Variants in CCDC33 observed in about 807,000 individuals in gnomAD.
CCDC33 encodes coiled-coil domain containing 33.
In CCDC33, 94 loss-of-function variants were observed where a neutral mutation model predicts 91.9. The ratio of observed to expected loss-of-function variants is 1.02; its 90% CI spans 0.87 to 1.21. The LOEUF (loss-of-function observed/expected upper bound fraction) is 1.21, where lower values mean the gene tolerates loss of function less well. CCDC33 is among the 50% of genes most tolerant of loss of function. The probability of loss-of-function intolerance (pLI) is 0.00; values close to 1 mark genes in which losing one functional copy is unlikely to be tolerated. For synonymous variants in CCDC33, 396 were observed against 374.5 expected (o/e 1.06, Z -0.66); for missense variants, 940 against 935.5 (o/e 1.00, Z -0.06).
intron 11 of CCDC33, among the ~76,000 whole-genome samples, chr15:74,312,961 C>T (rs1170367724): frequency 6.6e-6 from 1 of 152,234 alleles, no homozygotes; most frequent in Non-Finnish European, 1.5e-5. Context: ...CCAAACCAAA[C>T]AATGCCCTGG....
At chr15:74,283,844 C>T (rs2142515473) in intron 10 of CCDC33, among the ~76,000 whole-genome samples, 1 of 152,024 alleles carries the variant, frequency 6.6e-6, no homozygotes, top group African/African-American at 2.4e-5. Flanking sequence ...CACTCTCAAT[C>T]ACGTGTGAAT....
chr15:74,331,093 C>T lies in CCDC33; in HGVS notation c.1658C>T (p.Thr553Ile), dbSNP rs201751899. The T allele has an allele frequency of 1.2e-6, 2 of 1,613,300 alleles. No homozygotes were observed. The highest frequency in any genetic ancestry group is 2.2e-5 in the East Asian group (1 of 44,870). ...CAGAAGATGAAGGCGCTGGAGGAGA[C>T]TGTGCGGCACCAAGAGAAGGCAGGT... ...KLQKMKALEE[T>I]VRHQEKVIEK... The change falls in exon 14 of 19, where the codon ACT becomes ATT. Residue 553 changes from threonine to isoleucine, a missense_variant. Transcript: ENST00000398814.
At chr15:74,280,181 C>T in intron 8 of CCDC33, 89 bp downstream of exon 8, 1 of 1,487,922 alleles carries the variant, frequency 6.7e-7, no homozygotes, top group South Asian at 1.2e-5. Context: ...ACCTCTGCCT[C>T]CCACAGGGAT....
intron 11 of CCDC33, among the ~76,000 whole-genome samples, chr15:74,326,831 C>A (rs183424501): frequency 6.6e-6 from 1 of 152,180 alleles, no homozygotes; most frequent in Admixed American, 6.5e-5. Flanking sequence ...GGGGAGTCAG[C>A]AGGACCACAA....
chr15:74,254,267 A>G (rs556121853), intron 2 of CCDC33, among the ~76,000 whole-genome samples: 1 of 152,036 alleles, frequency 6.6e-6, no homozygotes, highest in Non-Finnish European at 1.5e-5. Flanking sequence ...TCCTGACTTC[A>G]TGATCTGCCC....
intron 9 of CCDC33, among the ~76,000 whole-genome samples, 161 bp from the exon 10 acceptor site, chr15:74,281,617 G>GTT (rs1465016548): frequency 1.3e-5 from 2 of 152,222 alleles, no homozygotes; most frequent in Admixed American, 1.3e-4. Context: ...TGTGGAGGCA[G>GTT]TTTGCGAGGG....
intron 10 of CCDC33, among the ~76,000 whole-genome samples, chr15:74,289,271 C>G (rs114683290): frequency 6.6e-6 from 1 of 152,240 alleles, no homozygotes; most frequent in Non-Finnish European, 1.5e-5. Context: ...TCTCCAGAAG[C>G]CAGACTTGCT....
At chr15:74,260,985 T>G (rs758855470) in intron 2 of CCDC33, among the ~76,000 whole-genome samples, 1 of 152,218 alleles carries the variant, frequency 6.6e-6, no homozygotes, top group African/African-American at 2.4e-5. Context: ...TGGGCACCGT[T>G]AGCATCTCTG....
intron 3 of CCDC33, among the ~76,000 whole-genome samples, chr15:74,265,394 C>G (rs1207544684): frequency 6.6e-6 from 1 of 152,198 alleles, no homozygotes; most frequent in Non-Finnish European, 1.5e-5. Flanking sequence ...CCTCCTCTAT[C>G]CTTCTCCTCC....
intron 2 of CCDC33, among the ~76,000 whole-genome samples, chr15:74,260,401 A>C (rs12916871): frequency 0.27 from 41,589 of 152,098 alleles, 7,751 homozygotes; most frequent in Non-Finnish European, 0.42. Context: ...GCTCTCTGGG[A>C]GATGCCCCTT....
chr15:74,209,683 T>G (rs1168569219), intron 2 of CCDC33: 1 of 529,998 alleles, frequency 1.9e-6, no homozygotes, highest in Non-Finnish European at 3.3e-6. Flanking sequence ...GACAGTCGGC[T>G]GCATCCCCCC....
At chr15:74,287,194 A>G (rs1352020495) in intron 10 of CCDC33, among the ~76,000 whole-genome samples, 1 of 152,218 alleles carries the variant, frequency 6.6e-6, no homozygotes, top group Non-Finnish European at 1.5e-5. Flanking sequence ...TGAATGGGCC[A>G]GTGCCCAGGG....
chr15:74,330,453 T>C (rs2142875098), intron 12 of CCDC33, 99 bp downstream of exon 12: 1 of 1,356,966 alleles, frequency 7.4e-7, no homozygotes. Context: ...CAGATGTGCA[T>C]GCTGCTGGAC....
chr15:74,335,124 A>G, intron 18 of CCDC33, 36 bp downstream of exon 18: 1 of 1,520,508 alleles, frequency 6.6e-7, no homozygotes, highest in Non-Finnish European at 9.1e-7. Flanking sequence ...CCAGGGGTTC[A>G]GGTGGTGGAG....
chr15:74,209,251 G>C, intron 1 of CCDC33: 1 of 1,155,244 alleles, frequency 8.7e-7, no homozygotes, highest in South Asian at 1.3e-5. Flanking sequence ...CTCGAAACTT[G>C]ATCTCCTTGG....
intron 10 of CCDC33, among the ~76,000 whole-genome samples, chr15:74,294,173 G>A (rs1308680524): frequency 1.3e-5 from 2 of 152,192 alleles, no homozygotes; most frequent in African/African-American, 4.8e-5. Context: ...CTGGTTGGCA[G>A]TGTGCCCATT....
At chr15:74,298,440 C>T (rs1041089557) in intron 11 of CCDC33, among the ~76,000 whole-genome samples, 1 of 152,138 alleles carries the variant, frequency 6.6e-6, no homozygotes, top group African/African-American at 2.4e-5. Context: ...GAGGGCCAGT[C>T]TTGATTTTCT....
At chr15:74,301,181 C>CT (rs2059788218) in intron 11 of CCDC33, 1 of 152,344 alleles carries the variant, frequency 6.6e-6, no homozygotes, top group African/African-American at 2.4e-5. Context: ...GCCCTCCACT[C>CT]TCTGGGCACC....
At chr15:74,309,155 C>A (rs2059945843) in intron 11 of CCDC33, among the ~76,000 whole-genome samples, 1 of 152,198 alleles carries the variant, frequency 6.6e-6, no homozygotes, top group Non-Finnish European at 1.5e-5. Flanking sequence ...CCGCCCTGAA[C>A]CCATGCATTG....
Sources: allele counts gnomAD v4.1 joint callset (sites outside exome capture counted in the v4.1 genomes callset), GRCh38; gene constraint gnomAD v4.1.1; transcripts MANE v1.5; gene names NCBI Gene and HGNC (gene_info 2026-07-23, HGNC 2026-07-21).